Variants in SLC38A8 observed in about 807,000 individuals in gnomAD.
SLC38A8 encodes the protein amino acid transporter SLC38A8.
A neutral mutation model predicts 46.0 loss-of-function variants in SLC38A8; 65 were observed. That is an observed-to-expected ratio of 1.41 (90% CI 1.16 to 1.74). The LOEUF (loss-of-function observed/expected upper bound fraction) is 1.74, where lower values mean the gene tolerates loss of function less well. Among genes scored for constraint, SLC38A8 ranks in the 40% most tolerant of loss-of-function variants. SLC38A8 has a pLI of 0.00. For synonymous variants in SLC38A8, 447 were observed against 243.7 expected, an observed-to-expected ratio of 1.83 and a Z score of -7.77; for missense variants, 998 against 567.9, an observed-to-expected ratio of 1.76 and a Z score of -7.70.
intron 3 of SLC38A8, 31 bp downstream of exon 3, chr16:84,036,671 G>T: frequency 6.2e-7 from 1 of 1,612,670 alleles, no homozygotes; most frequent in Non-Finnish European, 8.5e-7. Context: ...CCGGCACCCT[G>T]GGCCACCCCG....
intron 10 of SLC38A8, among the ~76,000 whole-genome samples, chr16:84,012,394 G>C (rs1463489734): frequency 6.6e-6 from 1 of 152,334 alleles, no homozygotes; most frequent in East Asian, 1.9e-4. Flanking sequence ...ATGAAGGAAA[G>C]ATCCAAATTA....
chr16:84,018,732 C>G (rs1184044122), intron 7 of SLC38A8, among the ~76,000 whole-genome samples: 1 of 152,174 alleles, frequency 6.6e-6, no homozygotes, highest in Non-Finnish European at 1.5e-5. Flanking sequence ...GATCTTAACA[C>G]AGTGATGTCT....
chr16:84,029,620 G>C (rs2085214211), intron 5 of SLC38A8, 69 bp from the exon 6 acceptor site: 6 of 1,483,670 alleles, frequency 4.0e-6, no homozygotes, highest in African/African-American at 1.4e-5. Context: ...GGCTGCAATG[G>C]TGAATTTTAA....
At chr16:84,022,210 G>A (rs868207953) in intron 7 of SLC38A8, among the ~76,000 whole-genome samples, 1 of 152,188 alleles carries the variant, frequency 6.6e-6, no homozygotes, top group African/African-American at 2.4e-5. Context: ...GGATACGTTG[G>A]TGAATGAAAA....
chr16:84,012,554 G>A (rs542041338), intron 10 of SLC38A8, among the ~76,000 whole-genome samples: 84 of 152,314 alleles, frequency 5.5e-4, no homozygotes, highest in African/African-American at 1.9e-3. Flanking sequence ...TGGTGGGGAG[G>A]TGAACATGTA....
chr16:84,042,274 C>T, intron 1 of SLC38A8, 115 bp from the exon 2 acceptor site: 2 of 1,175,932 alleles, frequency 1.7e-6, no homozygotes, highest in Non-Finnish European at 2.3e-6. Flanking sequence ...CCGCTCCTGC[C>T]CGCTTCCTTG....
chr16:84,039,950 C>G (rs1033786081), intron 2 of SLC38A8: 2 of 152,380 alleles, frequency 1.3e-5, no homozygotes, highest in African/African-American at 4.8e-5. Context: ...TCAAATGTCT[C>G]CCATCCAAGT....
chr16:84,029,684 T>G (rs896229716), intron 5 of SLC38A8, 133 bp from the exon 6 acceptor site: 1 of 887,632 alleles, frequency 1.1e-6, no homozygotes, highest in Admixed American at 2.4e-5. Context: ...TTTTAATGAC[T>G]GTGTCCGTGA....
intron 10 of SLC38A8, among the ~76,000 whole-genome samples, chr16:84,012,167 C>A (rs901899540): frequency 6.6e-6 from 1 of 152,226 alleles, no homozygotes; most frequent in African/African-American, 2.4e-5. Flanking sequence ...AAAACTAATA[C>A]ATCATCTCTT....
chr16:84,025,497 C>T (rs1181581648), intron 6 of SLC38A8, among the ~76,000 whole-genome samples: 2 of 146,544 alleles, frequency 1.4e-5, no homozygotes, highest in Admixed American at 6.6e-5. Flanking sequence ...GTCTACTCAG[C>T]GTCTCTCAAC....
Position 84,009,853 on chromosome 16 carries a change from C to G in SLC38A8, c.1239G>C (p.Val413=). Residue 413 remains valine (V), a synonymous_variant, in exon 11 of 11, where the codon GTG becomes GTC. Transcript: ENST00000299709. ...TGAAGGTGCCGACCAGCACAGAGACCACTCCCCAGACCTCCAGGCAGCACC... is the reference window on the plus strand; with the variant it reads ...TGAAGGTGCCGACCAGCACAGAGACGACTCCCCAGACCTCCAGGCAGCACC... The part of the protein sequence containing the change: ...RVKCCLEVWG[V]VSVLVGTFIF... The G allele has an allele frequency of 6.2e-7, 1 of 1,614,050 alleles. No homozygotes were observed. Among genetic ancestry groups the G allele is most frequent in the Non-Finnish European group, 8.5e-7 (1 of 1,179,988 alleles).
intron 2 of SLC38A8, among the ~76,000 whole-genome samples, chr16:84,039,231 T>G (rs1320211699): frequency 1.3e-5 from 2 of 152,152 alleles, no homozygotes; most frequent in Non-Finnish European, 2.9e-5. Flanking sequence ...TCCAGAACTG[T>G]GAGAGAATAC....
intron 7 of SLC38A8, 45 bp downstream of exon 7, chr16:84,022,730 C>T (rs764149896): frequency 6.7e-7 from 1 of 1,486,746 alleles, no homozygotes; most frequent in Admixed American, 1.7e-5. Context: ...CTTGTTTCTA[C>T]TGTCACTCCC....
chr16:84,024,051 G>C (rs551564593), intron 6 of SLC38A8, among the ~76,000 whole-genome samples: 1 of 152,320 alleles, frequency 6.6e-6, no homozygotes, highest in Non-Finnish European at 1.5e-5. Flanking sequence ...GTTTGGGGTG[G>C]GGGTGTTGTG....
At chr16:84,042,206 C>G (rs185461148) in intron 1 of SLC38A8, 47 bp from the exon 2 acceptor site, 2 of 1,546,224 alleles carry the variant, frequency 1.3e-6, no homozygotes, top group Admixed American at 2.0e-5. Flanking sequence ...TTCACGCTTT[C>G]CTCCCTAAGT....
At chr16:84,025,412 G>A (rs1434131555) in intron 6 of SLC38A8, among the ~76,000 whole-genome samples, 2 of 152,156 alleles carry the variant, frequency 1.3e-5, no homozygotes, top group Non-Finnish European at 2.9e-5. Flanking sequence ...GCACCCTCCT[G>A]GGGAGCCCTC....
At chr16:84,035,668 A>T (rs2085292457) in intron 3 of SLC38A8, among the ~76,000 whole-genome samples, 1 of 152,258 alleles carries the variant, frequency 6.6e-6, no homozygotes, top group Non-Finnish European at 1.5e-5. Flanking sequence ...GAGAACTTCT[A>T]TACAAACACT....
chr16:84,040,714 C>T (rs1319926156), intron 2 of SLC38A8, among the ~76,000 whole-genome samples: 2 of 152,198 alleles, frequency 1.3e-5, no homozygotes, highest in Non-Finnish European at 2.9e-5. Context: ...TGGGGCTCAG[C>T]GCAAAGGTCA....
rs928931843 is a variant in SLC38A8, at chr16:84,020,361, G to A, written c.805+2414C>T. 1.3e-3 allele frequency among the ~76,000 whole-genome samples: 192 copies of A among 151,968 alleles called. 1 individual carries two copies. The highest frequency in any genetic ancestry group is 4.6e-4 in the Non-Finnish European group (31 of 68,000). ...GGGTCTCACTACGTTGGCCAGGCTG[G>A]CCTCGAACTCCTGGCCTCAAGCAGT... On this transcript the variant is annotated intron_variant, in intron 7 of 10. Coordinates refer to ENST00000299709, the MANE Select transcript of SLC38A8 (RefSeq NM_001080442.3).
Sources: gnomAD v4.1 joint callset for allele counts (sites outside exome capture counted in the v4.1 genomes callset) on GRCh38, gnomAD v4.1.1 for gene constraint, MANE v1.5 for transcripts, NCBI Gene and HGNC (gene_info 2026-07-23, HGNC 2026-07-21) for gene names.